Variants in RNF14 observed in about 807,000 individuals in gnomAD.
RNF14 encodes the protein E3 ubiquitin-protein ligase RNF14.
In RNF14, 26 loss-of-function variants were observed where a neutral mutation model predicts 52.6. That is an observed-to-expected ratio of 0.49 (90% CI 0.36 to 0.69). The LOEUF (loss-of-function observed/expected upper bound fraction) is 0.69, where lower values mean the gene tolerates loss of function less well. Ranked by LOEUF, RNF14 falls within the 30% of genes least tolerant of loss-of-function variation. The pLI is 0.00. For missense variants in RNF14, 404 were observed against 560.4 expected (o/e 0.72, Z 2.82); for synonymous variants, 194 against 202.0 (o/e 0.96, Z 0.34).
upstream of RNF14, among the ~76,000 whole-genome samples, chr5:141,965,191 T>G (rs539549305): frequency 6.6e-6 from 1 of 152,040 alleles, no homozygotes; most frequent in East Asian, 1.9e-4. Context: ...AAGGAGGCAG[T>G]CCCCCCTGGG....
chr5:141,980,400 C>A, intron 6 of RNF14, 49 bp downstream of exon 6: 3 of 1,356,628 alleles, frequency 2.2e-6, no homozygotes, highest in Non-Finnish European at 3.1e-6. Flanking sequence ...CTCTCCCTCA[C>A]ATTTCACTCT....
intron 6 of RNF14, 98 bp from the exon 7 acceptor site, chr5:141,983,282 T>C: frequency 1.1e-6 from 1 of 952,332 alleles, no homozygotes; most frequent in Non-Finnish European, 1.6e-6. Context: ...GTTCTAGGAA[T>C]AACATTATTG....
chr5:141,978,336 T>C lies in RNF14; in HGVS notation c.340T>C (p.Trp114Arg). The C allele has an allele frequency of 6.2e-7, 1 of 1,611,754 alleles. No homozygotes were observed. Among genetic ancestry groups the C allele is most frequent in the Non-Finnish European group, 8.5e-7 (1 of 1,178,546 alleles). The change falls in exon 5 of 9, where the codon TGG becomes CGG. Residue 114 changes from tryptophan (W) to arginine (R), a missense_variant. Transcript: ENST00000394520. ...TCTATGCAAGCACTTAGACAACCTA[T>C]GGGAAGAACACCGTGGCAGCGTGGT... Reference protein sequence around the residue: ...SALCKHLDNLWEEHRGSVVLF... With the variant: ...SALCKHLDNLREEHRGSVVLF...
intron 1 of RNF14, 125 bp downstream of exon 1, chr5:141,969,292 T>TGTACACTGGGCCTCA (rs1223070899): frequency 1.3e-5 from 2 of 152,480 alleles, no homozygotes. Context: ...GGGCTGGGAC[T>TGTACACTGGGCCTCA]GTACACTGGG....
chr5:141,962,671 T>C (rs986168138), upstream of RNF14, among the ~76,000 whole-genome samples: 24 of 152,218 alleles, frequency 1.6e-4, no homozygotes, highest in African/African-American at 5.5e-4. Flanking sequence ...TTGAATTCGT[T>C]ATTGCAAATT....
the RNF14 span, among the ~76,000 whole-genome samples, chr5:141,949,736 C>T: frequency 1.3e-5 from 2 of 152,138 alleles, no homozygotes; most frequent in East Asian, 1.9e-4. Context: ...ATGTGATTCC[C>T]GCCCTCCTCT....
At chr5:141,956,277 A>G (rs774450295), upstream of RNF14, 13 of 1,614,080 alleles carry the variant, frequency 8.1e-6, no homozygotes, top group Non-Finnish European at 1.1e-5. Flanking sequence ...CCATCTCTTC[A>G]TAGTTCAGTG....
chr5:141,953,516 G>C (rs1286592207), upstream of RNF14: 1 of 152,210 alleles, frequency 6.6e-6, no homozygotes, highest in Non-Finnish European at 1.5e-5. Context: ...TTTACACTCA[G>C]ATCTGACTCT....
chr5:141,980,206 G>C lies in RNF14; in HGVS notation c.918G>C (p.Val306=), dbSNP rs755271840. The C allele has an allele frequency of 6.8e-6, 11 of 1,614,204 alleles. No homozygotes were observed. In the Admixed American group the frequency reaches 1.8e-4, roughly 27 times the overall value. ...LQSSLDLMAD[V]VYCPRPCCQL... ...CCTCCTTGGACCTGATGGCAGATGT[G>C]GTGTACTGCCCCCGGCCGTGCTGCC... Residue 306 remains valine, a synonymous_variant, in exon 6 of 9, where the codon GTG becomes GTC. Transcript: ENST00000394520.
At chr5:141,983,924 C>T (rs1374099860) in intron 7 of RNF14, among the ~76,000 whole-genome samples, 1 of 151,960 alleles carries the variant, frequency 6.6e-6, no homozygotes, top group African/African-American at 2.4e-5. Context: ...GTTTAAGATA[C>T]ACTCAGGAAT....
At chr5:141,975,384 A>C (rs542861757) in intron 4 of RNF14, among the ~76,000 whole-genome samples, 3 of 152,226 alleles carry the variant, frequency 2.0e-5, no homozygotes, top group Non-Finnish European at 4.4e-5. Flanking sequence ...ATAATAAGCA[A>C]ATTTTCTGAG....
At chr5:141,979,212 C>T (rs1294249005) in intron 5 of RNF14, among the ~76,000 whole-genome samples, 2 of 151,136 alleles carry the variant, frequency 1.3e-5, no homozygotes, top group East Asian at 1.9e-4. Context: ...AGCAGAAGTA[C>T]AGCCTACTTA....
At chr5:141,987,559 T>C (rs563577783) in intron 8 of RNF14, among the ~76,000 whole-genome samples, 174 bp from the exon 9 acceptor site, 2 of 152,170 alleles carry the variant, frequency 1.3e-5, no homozygotes, top group Admixed American at 6.5e-5. Context: ...TAACTAACTT[T>C]AGGGTAGATT....
chr5:141,972,276 C>A (rs1432197242), intron 2 of RNF14, among the ~76,000 whole-genome samples: 1 of 151,592 alleles, frequency 6.6e-6, no homozygotes, highest in African/African-American at 2.4e-5. Flanking sequence ...GTCACTCAGG[C>A]TGGAGTGCAG....
At chr5:141,980,653 G>C (rs538453779) in intron 6 of RNF14, among the ~76,000 whole-genome samples, 2 of 143,610 alleles carry the variant, frequency 1.4e-5, no homozygotes, top group African/African-American at 5.1e-5. Flanking sequence ...ATGTTCTGAA[G>C]GGGAGGGGAC....
At chr5:141,969,658 G>T (rs1338535006) in intron 1 of RNF14, 3 of 152,290 alleles carry the variant, frequency 2.0e-5, no homozygotes, top group African/African-American at 7.2e-5. Flanking sequence ...CTGAAATCTT[G>T]TAGGGTAGGT....
intron 8 of RNF14, 97 bp downstream of exon 8, chr5:141,985,030 T>A: frequency 9.1e-7 from 1 of 1,096,666 alleles, no homozygotes; most frequent in Non-Finnish European, 1.3e-6. Flanking sequence ...TTGGACTTAT[T>A]TAGAGAATTC....
Position 141,978,555 on chromosome 5 carries a change from G to A in RNF14, c.559G>A (p.Ala187Thr). 1 of 1,614,168 alleles carries A rather than the reference G, an allele frequency of 6.2e-7. No homozygotes were observed. Among genetic ancestry groups the A allele is most frequent in the East Asian group, 2.2e-5 (1 of 44,882 alleles). ...CCAAGAGGAAATTGTGGATGAGAGAGCAGTGCAGGATGTGGAATCACTGTC... is the reference window on the plus strand; with the variant it reads ...CCAAGAGGAAATTGTGGATGAGAGAACAGTGCAGGATGTGGAATCACTGTC... ...VDQEEIVDER[A>T]VQDVESLSNL... The change falls in exon 5 of 9, where the codon GCA becomes ACA. Residue 187 changes from alanine (A) to threonine (T), a missense_variant. By Grantham distance (58) the Ala-to-Thr change is moderately conservative. Coordinates refer to ENST00000394520, the MANE Select transcript of RNF14 (RefSeq NM_004290.5).
At chr5:141,979,769 T>C (rs1003722078) in intron 5 of RNF14, among the ~76,000 whole-genome samples, 2 of 151,844 alleles carry the variant, frequency 1.3e-5, no homozygotes, top group African/African-American at 4.8e-5. Flanking sequence ...CAAGTGCCTG[T>C]TGCCCTAGCT....
Sources: allele counts gnomAD v4.1 joint callset (sites outside exome capture counted in the v4.1 genomes callset), GRCh38; gene constraint gnomAD v4.1.1; transcripts MANE v1.5; gene names NCBI Gene and HGNC (gene_info 2026-07-23, HGNC 2026-07-21).